Variants in ERBB4 observed in about 807,000 individuals in gnomAD.
ERBB4 encodes the protein receptor tyrosine-protein kinase erbB-4.
A neutral mutation model predicts 158.0 loss-of-function variants in ERBB4; 42 were observed. That is an observed-to-expected ratio of 0.27 (90% confidence interval 0.21 to 0.34). ERBB4 has a LOEUF of 0.34. Ranked by LOEUF, ERBB4 falls within the 10% of genes least tolerant of loss-of-function variation. The pLI is 1.00. For synonymous variants in ERBB4, 583 were observed against 558.7 expected (o/e 1.04, Z -0.61); for missense variants, 1,333 against 1,624.1 (o/e 0.82, Z 3.08).
chr2:211,648,253 C>T (rs1454811558), intron 16 of ERBB4, among the ~76,000 whole-genome samples: 1 of 151,590 alleles, frequency 6.6e-6, no homozygotes, highest in Non-Finnish European at 1.5e-5. Context: ...TAGCCAGTTA[C>T]TCAGGACAAA....
chr2:212,048,884 A>C (rs2077327625), intron 2 of ERBB4, among the ~76,000 whole-genome samples: 1 of 152,226 alleles, frequency 6.6e-6, no homozygotes. Flanking sequence ...AACATGGAAT[A>C]AATAAGGAGA....
chr2:212,326,993 G>A (rs542000125), intron 1 of ERBB4, among the ~76,000 whole-genome samples: 64 of 150,898 alleles, frequency 4.2e-4, no homozygotes, highest in African/African-American at 1.5e-3. Context: ...TATTCATTGA[G>A]ATGTTAATAG....
chr2:212,468,481 C>G (rs1205219139), intron 1 of ERBB4, among the ~76,000 whole-genome samples: 3 of 152,154 alleles, frequency 2.0e-5, no homozygotes, highest in Non-Finnish European at 2.9e-5. Context: ...CACAAGCTCT[C>G]TCTTAGCCTG....
intron 3 of ERBB4, among the ~76,000 whole-genome samples, chr2:211,933,609 TTTG>T (rs1224450886): frequency 6.6e-6 from 1 of 152,042 alleles, no homozygotes; most frequent in African/African-American, 2.4e-5. Flanking sequence ...TTTAAATCTT[TTTG>T]TTACCTTCCT....
intron 3 of ERBB4, among the ~76,000 whole-genome samples, chr2:211,794,386 A>G (rs955890589): frequency 6.6e-6 from 1 of 151,738 alleles, no homozygotes; most frequent in Non-Finnish European, 1.5e-5. Flanking sequence ...TCTTTTGTGT[A>G]TTTGCCTTGT....
At chr2:212,158,441 T>C (rs2081106956) in intron 1 of ERBB4, among the ~76,000 whole-genome samples, 2 of 151,904 alleles carry the variant, frequency 1.3e-5, no homozygotes, top group South Asian at 4.1e-4. Flanking sequence ...ACATATTACT[T>C]CCTTTACCAA....
At chr2:211,560,567 C>G (rs536400510) in intron 20 of ERBB4, among the ~76,000 whole-genome samples, 2 of 151,910 alleles carry the variant, frequency 1.3e-5, no homozygotes, top group Non-Finnish European at 2.9e-5. Context: ...AGCCATGGCA[C>G]CTGGCCTGAA....
intron 4 of ERBB4, among the ~76,000 whole-genome samples, chr2:211,783,427 G>A (rs2076082337): frequency 6.6e-6 from 1 of 152,192 alleles, no homozygotes; most frequent in African/African-American, 2.4e-5. Flanking sequence ...GGTGAGAGAG[G>A]GCATCCCTGT....
At chr2:211,523,585 C>T (rs2066249379) in intron 20 of ERBB4, among the ~76,000 whole-genome samples, 1 of 151,746 alleles carries the variant, frequency 6.6e-6, no homozygotes, top group East Asian at 2.0e-4. Flanking sequence ...TGCAGACCTT[C>T]GCAGTGAGTG....
chr2:211,446,856 G>A (rs1004971726), intron 20 of ERBB4, among the ~76,000 whole-genome samples: 6 of 151,658 alleles, frequency 4.0e-5, no homozygotes, highest in African/African-American at 1.2e-4. Context: ...TTCCTTCTAC[G>A]CTTTTAGTTA....
intron 20 of ERBB4, among the ~76,000 whole-genome samples, chr2:211,453,796 C>T (rs560005691): frequency 5.8e-4 from 88 of 152,252 alleles, no homozygotes; most frequent in Middle Eastern, 3.4e-3. Context: ...GATTCACTTG[C>T]TGTTTTGTAG....
intron 2 of ERBB4, among the ~76,000 whole-genome samples, chr2:212,044,199 G>T (rs2077204713): frequency 6.6e-6 from 1 of 152,006 alleles, no homozygotes; most frequent in Non-Finnish European, 1.5e-5. Context: ...GGAGATCTGT[G>T]AAATTTGCTC....
intron 20 of ERBB4, among the ~76,000 whole-genome samples, chr2:211,515,912 A>ATATTTTT (rs35696520): frequency 2.9e-4 from 23 of 78,984 alleles, no homozygotes; most frequent in African/African-American, 1.3e-3. Flanking sequence ...ATATATATAT[A>ATATTTTT]TTTTTTTTTT....
intron 2 of ERBB4, among the ~76,000 whole-genome samples, chr2:211,952,890 TATA>T (rs919142094): frequency 3.9e-5 from 6 of 152,016 alleles, no homozygotes; most frequent in East Asian, 1.9e-4. Flanking sequence ...AAAAAAAAAT[TATA>T]ATATCATTAC....
In ERBB4 at chr2:211,827,605, G is replaced by A. The variant is rs2077131392; in HGVS notation, c.422-39446C>T. Among the ~76,000 whole-genome samples, 6 of 150,084 alleles carry A rather than the reference G, an allele frequency of 4.0e-5. No homozygotes were observed. The South Asian group carries it at 1.3e-3, about 34-fold the overall frequency. On this transcript the variant is annotated intron_variant, in intron 3 of 27. Transcript: ENST00000342788. ...GCTGATATACAGTTCTTTTTTTAAT[G>A]AAAAAATGTCAAAAAACTTAAGTAA...
rs969202557 is a variant in ERBB4, at chr2:212,106,749, T to C, written c.234+18003A>G. The stretch of plus-strand genomic sequence containing the variant: ...TTTTATGGGCCTGGCCCAGGGTCCC[T>C]CTGCTGTGTGCAGTCTAGGGACTTG... On this transcript the variant is annotated intron_variant, in intron 2 of 27. Transcript: ENST00000342788. 1.1e-4 allele frequency among the ~76,000 whole-genome samples: 17 copies of C among 152,218 alleles called. 1 individual carries two copies. The highest frequency in any genetic ancestry group is 7.9e-4 in the Admixed American group (12 of 15,286).
chr2:211,984,890 T>C (rs1267441653), intron 2 of ERBB4, among the ~76,000 whole-genome samples: 3 of 152,080 alleles, frequency 2.0e-5, no homozygotes, highest in Non-Finnish European at 4.4e-5. Context: ...GCCCAGCTAA[T>C]TTTTTATTTA....
intron 3 of ERBB4, among the ~76,000 whole-genome samples, chr2:211,913,989 A>G (rs2079614240): frequency 6.6e-6 from 1 of 151,574 alleles, no homozygotes; most frequent in African/African-American, 2.4e-5. Flanking sequence ...AAAGTAGTAA[A>G]AAAGTCAAGG....
intron 1 of ERBB4, among the ~76,000 whole-genome samples, chr2:212,154,540 G>A (rs1391728760): frequency 6.6e-6 from 1 of 152,198 alleles, no homozygotes; most frequent in East Asian, 1.9e-4. Context: ...ATAGCACAAA[G>A]ACATGTCTAG....
Sources: allele counts gnomAD v4.1 joint callset (sites outside exome capture counted in the v4.1 genomes callset), GRCh38; gene constraint gnomAD v4.1.1; transcripts MANE v1.5; gene names NCBI Gene and HGNC (gene_info 2026-07-23, HGNC 2026-07-21).